HIBCH: variants seen among roughly 807,000 people sequenced by gnomAD.
HIBCH encodes the protein 3-hydroxyisobutyryl-CoA hydrolase, mitochondrial.
A neutral mutation model predicts 58.2 loss-of-function variants in HIBCH; 50 were observed. The observed-to-expected ratio is 0.86, with a 90% CI of 0.68 to 1.09. The LOEUF is 1.09. Among genes scored for constraint, HIBCH ranks in the 50% least tolerant of loss-of-function variants. The pLI is 0.00. For synonymous variants in HIBCH, 151 were observed against 146.9 expected (o/e 1.03, Z -0.20); for missense variants, 450 against 449.7 (o/e 1.00, Z -0.01).
At chr2:190,307,626 T>C (rs1688445614) in intron 2 of HIBCH, among the ~76,000 whole-genome samples, 1 of 151,986 alleles carries the variant, frequency 6.6e-6, no homozygotes, top group Non-Finnish European at 1.5e-5. Flanking sequence ...CTAATGTCAC[T>C]ACACTCCAGC....
intron 7 of HIBCH, among the ~76,000 whole-genome samples, chr2:190,259,203 G>A (rs1344783071): frequency 6.6e-6 from 1 of 152,014 alleles, no homozygotes; most frequent in South Asian, 2.1e-4. Context: ...AGATCACTTT[G>A]GGTAGTAAGA....
At chr2:190,270,512 G>A (rs1559045048) in intron 6 of HIBCH, among the ~76,000 whole-genome samples, 3 of 152,102 alleles carry the variant, frequency 2.0e-5, no homozygotes, top group Non-Finnish European at 4.4e-5. Context: ...AAAAAGTCAT[G>A]GATTTAAATC....
intron 6 of HIBCH, among the ~76,000 whole-genome samples, chr2:190,267,700 T>G (rs1687281000): frequency 6.6e-6 from 1 of 152,186 alleles, no homozygotes; most frequent in Non-Finnish European, 1.5e-5. Context: ...TGCAGTTGAG[T>G]ACAGTCAATA....
intron 6 of HIBCH, among the ~76,000 whole-genome samples, chr2:190,287,027 C>CGTGTGTGTGT (rs56811939): frequency 0.066 from 9,356 of 142,074 alleles, 391 homozygotes; most frequent in African/African-American, 0.11. Context: ...TAGCATATAA[C>CGTGTGTGTGT]GTGTGTGTGT....
At chr2:190,260,316 T>C (rs1318530491) in intron 7 of HIBCH, 5 of 152,154 alleles carry the variant, frequency 3.3e-5, no homozygotes, top group Non-Finnish European at 7.4e-5. Context: ...TAATATGAAA[T>C]ACTTATGGAT....
At position 190,244,909 on chromosome 2, in the gene HIBCH, G is replaced by T; in HGVS notation, c.869C>A (p.Ser290Tyr). 1 of 1,611,030 alleles carries T rather than the reference G, an allele frequency of 6.2e-7. No homozygotes were observed. Among genetic ancestry groups the T allele is most frequent in the Non-Finnish European group, 8.5e-7 (1 of 1,177,166 alleles). ...IIENLQQDGS[S>Y]FALEQLKVIN... ...TACCTTCAATTGCTCTAGGGCAAAA[G>T]ATGAACCATCTTGCTGTAAGTTTTC... The change falls in exon 11 of 14, where the codon TCT (serine) becomes TAT (tyrosine). Residue 290 changes from serine to tyrosine, a missense_variant. Physicochemically the swap from Ser to Tyr is moderately radical, Grantham distance 144. Transcript: ENST00000359678.
At chr2:190,232,490 T>A (rs1383513657) in intron 11 of HIBCH, among the ~76,000 whole-genome samples, 1 of 152,122 alleles carries the variant, frequency 6.6e-6, no homozygotes, top group African/African-American at 2.4e-5. Context: ...TTGCTGGAGG[T>A]GCAAGTACCC....
intron 11 of HIBCH, among the ~76,000 whole-genome samples, chr2:190,233,066 T>C (rs1686156926): frequency 6.6e-6 from 1 of 152,162 alleles, no homozygotes; most frequent in South Asian, 2.1e-4. Context: ...TGGGGACCCT[T>C]GACACAGAGG....
chr2:190,198,245 T>A (rs557489657), intron 1 of HIBCH, among the ~76,000 whole-genome samples: 2 of 152,226 alleles, frequency 1.3e-5, no homozygotes, highest in South Asian at 2.1e-4. Context: ...ATTTATAGAA[T>A]AATATATGGT....
At chr2:190,273,660 A>G (rs1334756219) in intron 6 of HIBCH, among the ~76,000 whole-genome samples, 1 of 151,752 alleles carries the variant, frequency 6.6e-6, no homozygotes, top group Admixed American at 6.6e-5. Context: ...TGTTACTGAT[A>G]TTTCATTCTT....
chr2:190,248,204 C>T (rs1033140516), intron 9 of HIBCH, among the ~76,000 whole-genome samples: 3 of 152,152 alleles, frequency 2.0e-5, no homozygotes, highest in African/African-American at 7.2e-5. Context: ...TTTTTCTATG[C>T]AAAGCACTAA....
chr2:190,255,029 A>G (rs1277946407), intron 7 of HIBCH, among the ~76,000 whole-genome samples: 1 of 152,158 alleles, frequency 6.6e-6, no homozygotes, highest in African/African-American at 2.4e-5. Context: ...GTAGCTCTAG[A>G]CTAATGTAAT....
Position 190,254,890 on chromosome 2 carries a change from G to A in HIBCH, c.518-2583C>T, listed in dbSNP as rs1322417751. Reference sequence around the variant, plus strand: ...CCAATAAGACAGCCACTAGCCATATGTAGCTATTAAACACCTGAAATGTAG... The same window carrying A: ...CCAATAAGACAGCCACTAGCCATATATAGCTATTAAACACCTGAAATGTAG... On this transcript the variant is annotated intron_variant, in intron 7 of 13. Coordinates refer to ENST00000359678, the MANE Select transcript of HIBCH (RefSeq NM_014362.4). The surrounding 1 kb of genome is among the most constrained non-coding windows in gnomAD (Gnocchi z 5.0). 6.6e-6 allele frequency among the ~76,000 whole-genome samples: 1 copy of A among 152,208 alleles called. No individual in the cohort carries two copies. Among genetic ancestry groups the A allele is most frequent in the African/African-American group, 2.4e-5 (1 of 41,446 alleles).
chr2:190,310,778 C>A lies in HIBCH; in HGVS notation c.54G>T (p.Arg18Ser), dbSNP rs771658562. The A allele has an allele frequency of 6.2e-7, 1 of 1,610,038 alleles. No homozygotes were observed. Among genetic ancestry groups the A allele is most frequent in the South Asian group, 1.1e-5 (1 of 90,992 alleles). ...CCAAATGGTGCAGTATGGTATTAGT[C>A]CTTTTGAATGCATTAAACCTGAAAC... is the stretch of plus-strand genomic sequence containing the variant. ...RLMSRFNAFK[R>S]TNTILHHLRM... Residue 18 changes from arginine to serine, a missense_variant, in exon 2 of 14, where the codon AGG (arginine) becomes AGT (serine). Physicochemically the swap from Arg to Ser is moderately radical, Grantham distance 110. Coordinates refer to ENST00000359678, the MANE Select transcript of HIBCH (RefSeq NM_014362.4).
At chr2:190,240,545 C>T (rs1686419841) in intron 11 of HIBCH, among the ~76,000 whole-genome samples, 1 of 152,102 alleles carries the variant, frequency 6.6e-6, no homozygotes. Context: ...AATCTGTTTG[C>T]TCTTGCTTCT....
chr2:190,230,431 T>C (rs1012441014), intron 11 of HIBCH, among the ~76,000 whole-genome samples: 1 of 152,240 alleles, frequency 6.6e-6, no homozygotes, highest in African/African-American at 2.4e-5. Context: ...TAATCTTGGC[T>C]CACGCCTGTA....
chr2:190,247,305 T>C (rs986656906), intron 9 of HIBCH, among the ~76,000 whole-genome samples: 1 of 152,202 alleles, frequency 6.6e-6, no homozygotes, highest in African/African-American at 2.4e-5. Flanking sequence ...CTAACTCCTA[T>C]ACATTTAGTA....
chr2:190,192,507 T>C (rs1414085420), intron 1 of HIBCH, among the ~76,000 whole-genome samples: 1 of 151,744 alleles, frequency 6.6e-6, no homozygotes, highest in Non-Finnish European at 1.5e-5. Flanking sequence ...TATATCTATA[T>C]ATATAAAACA....
intron 13 of HIBCH, among the ~76,000 whole-genome samples, chr2:190,208,339 A>T (rs1044923292): frequency 6.6e-6 from 1 of 150,802 alleles, no homozygotes; most frequent in African/African-American, 2.4e-5. Flanking sequence ...GTAAGGTAAT[A>T]AATGCATGTT....
Sources: allele counts gnomAD v4.1 joint callset (sites outside exome capture counted in the v4.1 genomes callset), GRCh38; gene constraint gnomAD v4.1.1; non-coding constraint Gnocchi (gnomAD v3.1); transcripts MANE v1.5; gene names NCBI Gene and HGNC (gene_info 2026-07-23, HGNC 2026-07-21).